Variants in CHRDL2 observed in about 807,000 individuals in gnomAD.
CHRDL2 encodes chordin like 2.
CHRDL2 carries 41 observed loss-of-function variants against 54.3 expected under a neutral mutation model. The observed-to-expected ratio is 0.76, with a 90% CI of 0.59 to 0.98. The LOEUF (loss-of-function observed/expected upper bound fraction) is 0.98. Ranked by LOEUF, CHRDL2 falls within the 50% of genes least tolerant of loss-of-function variation. The pLI, the probability that CHRDL2 is intolerant of heterozygous loss-of-function variation, is 0.00. For synonymous variants in CHRDL2, 220 were observed against 224.3 expected, an observed-to-expected ratio of 0.98 and a Z score of 0.17; for missense variants, 518 against 562.4, an observed-to-expected ratio of 0.92 and a Z score of 0.80.
intron 9 of CHRDL2, 96 bp downstream of exon 9, chr11:74,702,698 G>C (rs1258680434): frequency 7.6e-7 from 1 of 1,319,542 alleles, no homozygotes; most frequent in Non-Finnish European, 1.1e-6. Context: ...AGAGGCACCT[G>C]ATCAGCAAAA....
In CHRDL2 at chr11:74,697,186, C is replaced by A. The variant is rs1223222407; in HGVS notation, c.1213+19G>T. On this transcript the variant is annotated intron_variant, in intron 10 of 10. Coordinates refer to ENST00000376332, the MANE Select transcript of CHRDL2 (RefSeq NM_001278473.3). ...GCCTTCTTCCTGCCCCGGCCCCATTCCTCAGCCCAAGCTCCTACCTTCGTG... is the reference window on the plus strand; with the variant it reads ...GCCTTCTTCCTGCCCCGGCCCCATTACTCAGCCCAAGCTCCTACCTTCGTG... The A allele has an allele frequency of 3.7e-6, 6 of 1,603,252 alleles. No homozygotes were observed. The highest frequency in any genetic ancestry group is 2.7e-5 in the African/African-American group (2 of 74,726).
At position 74,703,348 on chromosome 11, in the gene CHRDL2, A is replaced by G. The variant is rs768442449; in HGVS notation, c.903T>C (p.Arg301=). Residue 301 remains arginine (R), a synonymous_variant, in exon 8 of 11, where the codon CGT becomes CGC. Transcript: ENST00000376332. ...RVTCPTEYPC[R]HPEKVAGKCC... ...ACTTCCCAGCCACTTTCTCGGGGTG[A>G]CGGCAGGGGTACTCGGTGGGACAGG... is the stretch of plus-strand genomic sequence containing the variant. The G allele has an allele frequency of 2.4e-5, 39 of 1,611,232 alleles. No homozygotes were observed. The highest frequency in any genetic ancestry group is 3.1e-5 in the Non-Finnish European group (36 of 1,178,542).
intron 2 of CHRDL2, among the ~76,000 whole-genome samples, chr11:74,715,725 TC>T (rs903279477): frequency 1.3e-5 from 2 of 152,078 alleles, no homozygotes; most frequent in African/African-American, 4.8e-5. Flanking sequence ...ACACCTGTAA[TC>T]CCAGCACTTT....
Position 74,713,405 on chromosome 11 carries a change from T to C in CHRDL2, c.270A>G (p.Gln90=). The change falls in exon 3 of 11, where the codon CAA becomes CAG. Residue 90 remains glutamine (Q), a synonymous_variant. Transcript: ENST00000376332. ...HCPQPVTEPQ[Q]CCPKCVEPHT... ...ACTTACCCACACACTTGGGACAGCATTGCTGTGGCTCCGTCACAGGCTGGG... is the reference window on the plus strand; with the variant it reads ...ACTTACCCACACACTTGGGACAGCACTGCTGTGGCTCCGTCACAGGCTGGG... 1.9e-6 allele frequency: 3 copies of C among 1,614,068 alleles called. No homozygotes were observed. The highest frequency in any genetic ancestry group is 2.2e-5 in the East Asian group (1 of 44,878).
rs556387041 is a variant in CHRDL2, at chr11:74,719,908, G to T, written c.83-1076C>A. Among the ~76,000 whole-genome samples, 3 of 152,140 alleles carry T rather than the reference G, an allele frequency of 2.0e-5. No homozygotes were observed. The East Asian group carries it at 5.8e-4, about 29-fold the overall frequency. ...TCCCAGCCCAGCACTGCAGCCTTGT[G>T]CCCTGCCCCTCTGCCTCCCGCCCTA... On this transcript the variant is annotated intron_variant, in intron 1 of 10. Coordinates refer to ENST00000376332, the MANE Select transcript of CHRDL2 (RefSeq NM_001278473.3).
At position 74,710,894 on chromosome 11, in the gene CHRDL2, C is replaced by T. The variant is rs149329913; in HGVS notation, c.387G>A (p.Leu129=). 3.4e-5 allele frequency: 55 copies of T among 1,613,998 alleles called. No individual in the cohort carries two copies. In the African/African-American group the frequency reaches 5.3e-4, roughly 16 times the overall value. The change falls in exon 4 of 11, where the codon CTG becomes CTA. Residue 129 remains leucine (L), a synonymous_variant. Coordinates refer to ENST00000376332, the MANE Select transcript of CHRDL2 (RefSeq NM_001278473.3). The part of the protein sequence containing the change: ...QHGEIFSAHE[L]FPSRLPNQCV... ...ACTGGTTGGGCAGGCGGGAGGGGAA[C>T]AGCTCATGGGCACTGAAGATCTCTC...
rs185075710 is a variant in CHRDL2, at chr11:74,696,986, C to T, written c.1213+219G>A. Among the ~76,000 whole-genome samples, 3 of 152,352 alleles carry T rather than the reference C, an allele frequency of 2.0e-5. No homozygotes were observed. The East Asian group carries it at 5.8e-4, about 29-fold the overall frequency. On this transcript the variant is annotated intron_variant, in intron 10 of 10. Transcript: ENST00000376332. Reference sequence around the variant, plus strand: ...CTCTCCACAGCCCTTTCTCCCTCCACCCTCAGAACCAAATCCAGCCAGCTC... The same window carrying T: ...CTCTCCACAGCCCTTTCTCCCTCCATCCTCAGAACCAAATCCAGCCAGCTC...
At chr11:74,713,310 G>C (rs562575106) in intron 3 of CHRDL2, 76 bp downstream of exon 3, 2 of 1,292,102 alleles carry the variant, frequency 1.5e-6, no homozygotes, top group African/African-American at 2.9e-5. Context: ...CCTTGCAGGG[G>C]TCTCCCTCAG....
chr11:74,708,397 T>C lies in CHRDL2; in HGVS notation c.433-2A>G. 6.4e-7 allele frequency: 1 copy of C among 1,568,768 alleles called. No homozygotes were observed. The highest frequency in any genetic ancestry group is 8.6e-7 in the Non-Finnish European group (1 of 1,159,988). ...GAGGCCGCAGTAGATCTGGCCCTCCTGACAGATAGAGCAAACCAGCTGGGA... is the reference window on the plus strand; with the variant it reads ...GAGGCCGCAGTAGATCTGGCCCTCCCGACAGATAGAGCAAACCAGCTGGGA... On this transcript the variant is annotated splice_acceptor_variant, in intron 4 of 10. Transcript: ENST00000376332. LOFTEE classifies it high-confidence loss of function.
intron 9 of CHRDL2, chr11:74,701,267 A>C: frequency 3.7e-6 from 1 of 267,442 alleles, no homozygotes; most frequent in Non-Finnish European, 7.0e-6. Context: ...ACTGAGGCCC[A>C]GAGAGATCAT....
intron 4 of CHRDL2, among the ~76,000 whole-genome samples, chr11:74,710,362 A>T (rs1843516076): frequency 6.6e-6 from 1 of 152,114 alleles, no homozygotes; most frequent in Non-Finnish European, 1.5e-5. Flanking sequence ...CCATGATAAC[A>T]CTGCCGAGTC....
chr11:74,710,079 G>A (rs981550414), intron 4 of CHRDL2, among the ~76,000 whole-genome samples: 2 of 152,086 alleles, frequency 1.3e-5, no homozygotes, highest in Non-Finnish European at 2.9e-5. Flanking sequence ...AGCTGGGCGT[G>A]GTGGTGGGCG....
intron 2 of CHRDL2, among the ~76,000 whole-genome samples, chr11:74,717,239 A>G (rs888848615): frequency 6.6e-6 from 1 of 151,988 alleles, no homozygotes; most frequent in Non-Finnish European, 1.5e-5. Context: ...GATTAGGGGG[A>G]GCAGTGATGG....
chr11:74,705,367 C>G (rs1200517173), intron 6 of CHRDL2, among the ~76,000 whole-genome samples: 2 of 152,158 alleles, frequency 1.3e-5, no homozygotes, highest in East Asian at 3.9e-4. Flanking sequence ...GAGCCTATTA[C>G]CTCCCTCGCT....
intron 9 of CHRDL2, chr11:74,701,740 T>C: frequency 1.7e-6 from 1 of 586,604 alleles, no homozygotes; most frequent in South Asian, 2.1e-5. Flanking sequence ...TCCAAAGTGC[T>C]ACACACATTG....
intron 4 of CHRDL2, 57 bp downstream of exon 4, chr11:74,710,792 T>C: frequency 1.9e-6 from 3 of 1,587,242 alleles, no homozygotes; most frequent in Non-Finnish European, 2.6e-6. Context: ...CAGGCTACTA[T>C]GTTCTTTGCA....
chr11:74,713,350 G>A (rs2034253109), intron 3 of CHRDL2, 36 bp downstream of exon 3: 3 of 1,572,670 alleles, frequency 1.9e-6, no homozygotes, highest in South Asian at 1.1e-5. Flanking sequence ...GTAGGAGAAA[G>A]GTCCATGGAC....
At chr11:74,719,069 T>G in intron 1 of CHRDL2, 1 of 496,078 alleles carries the variant, frequency 2.0e-6, no homozygotes, top group Non-Finnish European at 3.6e-6. Context: ...CTCTGAGCCT[T>G]AACGCTTATC....
chr11:74,724,369 GA>G (rs2034541132), intron 1 of CHRDL2, among the ~76,000 whole-genome samples: 1 of 152,350 alleles, frequency 6.6e-6, no homozygotes. Context: ...TTACCTGTCT[GA>G]ACAGACTTAA....
Sources: gnomAD v4.1 joint callset for allele counts (sites outside exome capture counted in the v4.1 genomes callset) on GRCh38, gnomAD v4.1.1 for gene constraint, MANE v1.5 for transcripts, NCBI Gene and HGNC (gene_info 2026-07-23, HGNC 2026-07-21) for gene names.